AGBL1: variants seen among roughly 807,000 people sequenced by gnomAD.
The protein encoded by AGBL1 is AGBL carboxypeptidase 1.
Under a neutral mutation model 118.9 loss-of-function variants are expected in AGBL1, and 130 were observed. The ratio of observed to expected loss-of-function variants is 1.09; its 90% CI spans 0.95 to 1.26. AGBL1 has a LOEUF of 1.26. Ranked by LOEUF, AGBL1 falls within the 50% of genes most tolerant of loss-of-function variation. The pLI is 0.00. For missense variants in AGBL1, 1,584 were observed against 1,298.1 expected (o/e 1.22, Z -3.38); for synonymous variants, 555 against 478.9 (o/e 1.16, Z -2.08).
chr15:86,574,778 A>C (rs898315153), intron 21 of AGBL1, among the ~76,000 whole-genome samples: 6 of 149,128 alleles, frequency 4.0e-5, no homozygotes, highest in Non-Finnish European at 8.9e-5. Flanking sequence ...GGGTTTCACC[A>C]TGTTGGCCAG....
At chr15:86,468,055 G>C (rs2082429260) in intron 18 of AGBL1, among the ~76,000 whole-genome samples, 1 of 151,986 alleles carries the variant, frequency 6.6e-6, no homozygotes, top group Non-Finnish European at 1.5e-5. Flanking sequence ...GCAGGAATAT[G>C]ACTTAAATCA....
chr15:86,080,897 A>T (rs1282928148), intron 1 of AGBL1, among the ~76,000 whole-genome samples: 1 of 151,718 alleles, frequency 6.6e-6, no homozygotes, highest in East Asian at 1.9e-4. Context: ...TTTAAGCTGG[A>T]AGTTCCTGGA....
At chr15:86,780,030 C>T (rs1596474240) in intron 22 of AGBL1, among the ~76,000 whole-genome samples, 3 of 152,222 alleles carry the variant, frequency 2.0e-5, no homozygotes, top group East Asian at 3.9e-4. Flanking sequence ...TAGTTCTGCT[C>T]ATATCCTATT....
chr15:86,412,671 T>C (rs909008175), intron 18 of AGBL1, among the ~76,000 whole-genome samples: 2 of 152,190 alleles, frequency 1.3e-5, no homozygotes, highest in African/African-American at 4.8e-5. Flanking sequence ...CCTTCTAAGT[T>C]GCTCTAAACA....
At position 86,814,897 on chromosome 15, in the gene AGBL1, G is replaced by A. The variant is rs543919984; in HGVS notation, c.3159-92190G>A. On this transcript the variant is annotated intron_variant, in intron 22 of 22. Coordinates refer to ENST00000614907, the MANE Select transcript of AGBL1 (RefSeq NM_001386094.1). The stretch of plus-strand genomic sequence containing the variant: ...TCTTGTGGAAATTGCCTGACGAAAT[G>A]CATTAAAGTTTCTAACAGAGTTCCT... Among the ~76,000 whole-genome samples the A allele has an allele frequency of 2.0e-5, 3 of 152,234 alleles. No individual in the cohort carries two copies. The East Asian group carries it at 5.8e-4, about 29-fold the overall frequency.
chr15:86,584,355 T>C (rs2084215903), intron 21 of AGBL1, among the ~76,000 whole-genome samples: 1 of 152,166 alleles, frequency 6.6e-6, no homozygotes, highest in East Asian at 1.9e-4. Flanking sequence ...CTTGAGTTAA[T>C]TTTTGCATAT....
Position 86,224,941 on chromosome 15 carries a change from G to A in AGBL1, c.516G>A (p.Leu172=). The A allele has an allele frequency of 1.2e-6, 2 of 1,613,176 alleles. No homozygotes were observed. Among genetic ancestry groups the A allele is most frequent in the South Asian group, 1.1e-5 (1 of 91,042 alleles). ...CAGCCACTGAAGTTTTGGCAGCATT[G>A]CTGAAATCCAGTAAGCACCTCTTTT... ...IRAATEVLAA[L]LKSKSNGRRA... is the part of the protein sequence containing the mutation. Residue 172 remains leucine (L), a synonymous_variant, in exon 6 of 23, where the codon TTG becomes TTA. Coordinates refer to ENST00000614907, the MANE Select transcript of AGBL1 (RefSeq NM_001386094.1).
chr15:86,292,122 T>C (rs2079556780), intron 16 of AGBL1, among the ~76,000 whole-genome samples: 2 of 152,198 alleles, frequency 1.3e-5, no homozygotes, highest in Admixed American at 6.5e-5. Flanking sequence ...TGTGAAGATG[T>C]TACTTTACAT....
At chr15:87,030,732 C>G (rs1416675737), downstream of AGBL1, among the ~76,000 whole-genome samples, 1 of 151,930 alleles carries the variant, frequency 6.6e-6, no homozygotes, top group Admixed American at 6.6e-5. Context: ...GCACATTTAC[C>G]AATTTACTAC....
At chr15:87,014,183 T>A (rs2081587971) in intron 24 of AGBL1, among the ~76,000 whole-genome samples, 2 of 152,202 alleles carry the variant, frequency 1.3e-5, no homozygotes, top group Non-Finnish European at 2.9e-5. Context: ...TAAGTTTTAT[T>A]TCCTCCCTTG....
intron 18 of AGBL1, among the ~76,000 whole-genome samples, chr15:86,483,510 C>A (rs1173265038): frequency 6.6e-6 from 1 of 152,082 alleles, no homozygotes; most frequent in Admixed American, 6.6e-5. Context: ...GCCAGGAACT[C>A]ATATTCTGAG....
intron 9 of AGBL1, among the ~76,000 whole-genome samples, chr15:86,260,991 C>T (rs1003877821): frequency 1.3e-5 from 2 of 152,206 alleles, no homozygotes; most frequent in Admixed American, 1.3e-4. Context: ...CAGAAATGGT[C>T]TCTGTCACAA....
At chr15:86,184,798 A>G (rs572989565) in intron 5 of AGBL1, among the ~76,000 whole-genome samples, 3 of 152,304 alleles carry the variant, frequency 2.0e-5, no homozygotes, top group Admixed American at 6.5e-5. Flanking sequence ...TAAAGTTCAT[A>G]TGGAACCAAA....
intron 21 of AGBL1, among the ~76,000 whole-genome samples, chr15:86,670,193 G>A (rs6496351): frequency 0.88 from 134,415 of 152,072 alleles, 59,560 homozygotes; most frequent in South Asian, 0.95. Context: ...CTGAAGTGAC[G>A]TTACCATGTC....
chr15:86,757,422 G>A (rs931465617), intron 22 of AGBL1, among the ~76,000 whole-genome samples: 2 of 152,066 alleles, frequency 1.3e-5, no homozygotes, highest in Non-Finnish European at 2.9e-5. Flanking sequence ...AACTAGAGGA[G>A]TGACCTAATT....
chr15:86,410,831 TATATATATATAATATA>T (rs2081600069), intron 18 of AGBL1, among the ~76,000 whole-genome samples: 1 of 83,382 alleles, frequency 1.2e-5, no homozygotes, highest in African/African-American at 5.2e-5. Flanking sequence ...TATATATATA[TATATATATATAATATA>T]CTATTTTATA....
Position 86,221,748 on chromosome 15 carries a change from C to A in AGBL1, c.489-3166C>A, listed in dbSNP as rs368434229. Among the ~76,000 whole-genome samples, 87 of 152,018 alleles carry A rather than the reference C, an allele frequency of 5.7e-4. 1 individual carries two copies. In the East Asian group the frequency reaches 0.015, roughly 26 times the overall value. Reference sequence around the variant, plus strand: ...CACTACATCCAAAACAACATATTTACAAACTTTTTTTTTTTTAAGGAAAGC... The same window carrying A: ...CACTACATCCAAAACAACATATTTAAAAACTTTTTTTTTTTTAAGGAAAGC... On this transcript the variant is annotated intron_variant, in intron 5 of 22. Transcript: ENST00000614907.
intron 22 of AGBL1, among the ~76,000 whole-genome samples, chr15:86,900,796 C>A (rs545179366): frequency 1.3e-5 from 2 of 152,034 alleles, no homozygotes; most frequent in Non-Finnish European, 2.9e-5. Flanking sequence ...TTCTTTAAAG[C>A]TTTTGATACT....
chr15:86,721,847 T>C (rs2086726781), intron 22 of AGBL1, among the ~76,000 whole-genome samples: 1 of 152,194 alleles, frequency 6.6e-6, no homozygotes. Context: ...TCACAAGCAT[T>C]CTTATACACC....
Sources: gnomAD v4.1 joint callset for allele counts (sites outside exome capture counted in the v4.1 genomes callset) on GRCh38, gnomAD v4.1.1 for gene constraint, MANE v1.5 for transcripts, NCBI Gene and HGNC (gene_info 2026-07-23, HGNC 2026-07-21) for gene names.